Variants in AMD1 observed in about 807,000 individuals in gnomAD.
The protein encoded by AMD1 is adenosylmethionine decarboxylase 1, also known as S-adenosylmethionine decarboxylase proenzyme.
In AMD1, 11 loss-of-function variants were observed where a neutral mutation model predicts 40.2. The observed-to-expected ratio is 0.27, with a 90% confidence interval of 0.17 to 0.45. The LOEUF (loss-of-function observed/expected upper bound fraction) is 0.45. Ranked by LOEUF, AMD1 falls within the 20% of genes least tolerant of loss-of-function variation. The pLI is 1.00. For missense variants in AMD1, 257 were observed against 410.2 expected (o/e 0.63, Z 3.23); for synonymous variants, 121 against 130.8 (o/e 0.93, Z 0.51).
At chr6:110,817,682 G>A in the AMD1 span, among the ~76,000 whole-genome samples, 1 of 152,180 alleles carries the variant, frequency 6.6e-6, no homozygotes, top group African/African-American at 2.4e-5. Flanking sequence ...AACTGCTGGA[G>A]ATAGCAGGAA....
chr6:110,814,703 C>T, the AMD1 span: 1 of 583,228 alleles, frequency 1.7e-6, no homozygotes, highest in Non-Finnish European at 3.2e-6. Context: ...CCCACAAACT[C>T]CTCCTCCACC....
chr6:110,860,947 C>T, the AMD1 span, among the ~76,000 whole-genome samples: 4 of 151,098 alleles, frequency 2.6e-5, no homozygotes, highest in South Asian at 8.4e-4. Flanking sequence ...ATTGGCTGGT[C>T]GGGTACAGTG....
At chr6:110,841,732 T>TAA in the AMD1 span, among the ~76,000 whole-genome samples, 2 of 137,188 alleles carry the variant, frequency 1.5e-5, no homozygotes, top group African/African-American at 2.7e-5. Flanking sequence ...ATGCCCCCAT[T>TAA]AAAAAAAAAA....
In AMD1 at chr6:110,878,679, C is replaced by T. The variant is rs576719298; in HGVS notation, c.110+3464C>T. Among the ~76,000 whole-genome samples the T allele has an allele frequency of 2.0e-5, 3 of 152,142 alleles. No individual in the cohort carries two copies. The East Asian group carries it at 5.8e-4, about 29-fold the overall frequency. On this transcript the variant is annotated intron_variant, in intron 1 of 8. Transcript: ENST00000368885. ...TGTTGGATCAAAGTGCTGTAACAAA[C>T]AAAAGCTTTTTATAAGACATGGCAG...
At chr6:110,843,465 G>GA in the AMD1 span, among the ~76,000 whole-genome samples, 24,992 of 121,708 alleles carry the variant, frequency 0.21, 2,984 homozygotes, top group East Asian at 0.67. Flanking sequence ...ACTCCATCTT[G>GA]AAAAAAAAAA....
chr6:110,826,491 C>G, the AMD1 span, among the ~76,000 whole-genome samples: 1 of 151,806 alleles, frequency 6.6e-6, no homozygotes, highest in Non-Finnish European at 1.5e-5. Context: ...GGCCAGAAGT[C>G]TGAAATCAAG....
the AMD1 span, among the ~76,000 whole-genome samples, chr6:110,824,727 CA>C: frequency 2.7e-5 from 4 of 150,908 alleles, no homozygotes; most frequent in East Asian, 1.9e-4. Context: ...TTTTTGGTAA[CA>C]AAAAAAAGCA....
chr6:110,893,685 C>T lies in AMD1; in HGVS notation c.*69C>T, dbSNP rs1786163881. 3.2e-5 allele frequency: 49 copies of T among 1,544,708 alleles called. 2 individuals carry two copies. In the South Asian group the frequency reaches 3.7e-4, roughly 12 times the overall value. The stretch of plus-strand genomic sequence containing the variant: ...AAGGTGGTGGATGCTTTCTAGATGT[C>T]GATGCTGGGGGCAGTGCTTTCCATA... On this transcript the variant is annotated 3_prime_UTR_variant, in exon 9 of 9. Coordinates refer to ENST00000368885, the MANE Select transcript of AMD1 (RefSeq NM_001634.6).
the AMD1 span, among the ~76,000 whole-genome samples, chr6:110,841,515 A>G: frequency 6.6e-6 from 1 of 152,116 alleles, no homozygotes; most frequent in African/African-American, 2.4e-5. Context: ...ATCTTTTCGT[A>G]AGCAACTTCC....
At chr6:110,829,845 C>T in the AMD1 span, among the ~76,000 whole-genome samples, 1 of 151,886 alleles carries the variant, frequency 6.6e-6, no homozygotes, top group East Asian at 1.9e-4. Flanking sequence ...GACCCTGTCT[C>T]AAAAATAAAT....
At chr6:110,839,919 C>T in the AMD1 span, among the ~76,000 whole-genome samples, 1 of 151,406 alleles carries the variant, frequency 6.6e-6, no homozygotes, top group East Asian at 1.9e-4. Context: ...TTAACTGGGA[C>T]ATTTCCATAA....
At chr6:110,847,535 A>AG in the AMD1 span, among the ~76,000 whole-genome samples, 1 of 151,778 alleles carries the variant, frequency 6.6e-6, no homozygotes, top group Admixed American at 6.6e-5. Flanking sequence ...AAAAAAAAAA[A>AG]GAATTTCTTC....
At chr6:110,846,194 G>A in the AMD1 span, among the ~76,000 whole-genome samples, 72 of 152,106 alleles carry the variant, frequency 4.7e-4, no homozygotes, top group African/African-American at 1.4e-3. Context: ...AGCTGAGATC[G>A]CGCCACTGCA....
chr6:110,890,662 A>G (rs1055193814), intron 4 of AMD1: 19 of 180,052 alleles, frequency 1.1e-4, no homozygotes, highest in Non-Finnish European at 2.2e-4. Flanking sequence ...ATTTTTTTTT[A>G]ATTTTTAGTA....
chr6:110,835,193 T>C, the AMD1 span, among the ~76,000 whole-genome samples: 1 of 151,258 alleles, frequency 6.6e-6, no homozygotes, highest in Admixed American at 6.6e-5. Flanking sequence ...TAATTTTTTG[T>C]ATTTTTAGTA....
rs1296634590 is a variant in AMD1, at chr6:110,892,294, T to C, written c.471-5T>C. On this transcript the variant is annotated splice_polypyrimidine_tract_variant and splice_region_variant and intron_variant, in intron 5 of 8. Transcript: ENST00000368885. Reference sequence around the variant, plus strand: ...TTTTAGGAACTATTTTTAATTTTTATTTAGGTACTTATATACTCTGGATTT... The same window carrying C: ...TTTTAGGAACTATTTTTAATTTTTACTTAGGTACTTATATACTCTGGATTT... 6.2e-7 allele frequency: 1 copy of C among 1,613,580 alleles called. No individual in the cohort carries two copies. Among genetic ancestry groups the C allele is most frequent in the Admixed American group, 1.7e-5 (1 of 59,986 alleles).
rs1449021246 is a variant in AMD1 at position 110,893,801 on chromosome 6, T to C, written c.*185T>C. 4 of 631,552 alleles carry C rather than the reference T, an allele frequency of 6.3e-6. No individual in the cohort carries two copies. Among genetic ancestry groups the C allele is most frequent in the East Asian group, 2.9e-5 (1 of 34,576 alleles). The allele number at this position is 631,552 out of a possible 1,614,324, so 39.1% of individuals were successfully genotyped here. A position where few individuals can be genotyped will look rare whatever the true frequency, so the allele number is the denominator to read the frequency against. ...CATTATTATATCAAGGAGTTAGATATCTTGCATGAATGCTCTCTTCTGTGT... is the reference window on the plus strand; with the variant it reads ...CATTATTATATCAAGGAGTTAGATACCTTGCATGAATGCTCTCTTCTGTGT... On this transcript the variant is annotated 3_prime_UTR_variant, in exon 9 of 9. Transcript: ENST00000368885.
At chr6:110,892,529 G>A (rs1435761061) in intron 6 of AMD1, 86 bp downstream of exon 6, 4 of 1,566,544 alleles carry the variant, frequency 2.6e-6, no homozygotes, top group Non-Finnish European at 3.5e-6. Flanking sequence ...TTAAGTTCAG[G>A]GTAACAAGTG....
In AMD1 at chr6:110,893,909, G is replaced by A. The variant is rs1165900261; in HGVS notation, c.*293G>A. 1 of 320,798 alleles carries A rather than the reference G, an allele frequency of 3.1e-6. No individual in the cohort carries two copies. Among genetic ancestry groups the A allele is most frequent in the African/African-American group, 2.1e-5 (1 of 47,286 alleles). The allele number at this position is 320,798 out of a possible 1,614,324, so 19.9% of individuals were successfully genotyped here. A position where few individuals can be genotyped will look rare whatever the true frequency, so the allele number is the denominator to read the frequency against. The stretch of plus-strand genomic sequence containing the variant: ...TACTATATGAAACTTTACAACACTT[G>A]TGAAAGCAACTCAATTTGGTTTATG... On this transcript the variant is annotated 3_prime_UTR_variant, in exon 9 of 9. Transcript: ENST00000368885.
Sources: gnomAD v4.1 joint callset for allele counts (sites outside exome capture counted in the v4.1 genomes callset) on GRCh38, gnomAD v4.1.1 for gene constraint, MANE v1.5 for transcripts, NCBI Gene and HGNC (gene_info 2026-07-23, HGNC 2026-07-21) for gene names.